LIN28B: variants seen among roughly 807,000 people sequenced by gnomAD.
The protein encoded by LIN28B is protein lin-28 homolog B.
LIN28B carries 5 observed loss-of-function variants against 21.9 expected under a neutral mutation model. The observed-to-expected ratio is 0.23, with a 90% confidence interval of 0.12 to 0.48. The LOEUF (loss-of-function observed/expected upper bound fraction) is 0.48, where lower values mean the gene tolerates loss of function less well. Ranked by LOEUF, LIN28B falls within the 20% of genes least tolerant of loss-of-function variation. The pLI is 0.98. For missense variants in LIN28B, 245 were observed against 310.5 expected (o/e 0.79, Z 1.58); for synonymous variants, 109 against 111.3 (o/e 0.98, Z 0.13).
Position 105,020,747 on chromosome 6 carries a change from CTTTTTTTTTT to C in LIN28B, c.199-5537_199-5528del, listed in dbSNP as rs1176851045. 3.5e-5 allele frequency among the ~76,000 whole-genome samples: 3 copies of C among 85,420 alleles called. No individual in the cohort carries two copies. In the East Asian group the frequency reaches 9.8e-4, roughly 28 times the overall value. 56.0% of individuals were successfully genotyped at this position (85,420 alleles called of 152,430 possible). A position where few individuals can be genotyped will look rare whatever the true frequency, so the allele number is the denominator to read the frequency against. ...AGTCTCTATTGTCTATCATTCCACT[CTTTTTTTTTT>C]TTTTTTTTTTTTTGAGACGAAGTCT... On this transcript the variant is annotated intron_variant, in intron 2 of 3. Coordinates refer to ENST00000345080, the MANE Select transcript of LIN28B (RefSeq NM_001004317.4).
chr6:104,989,576 G>GTTTTTTTTTTTTTTTTT (rs34394074), intron 2 of LIN28B, among the ~76,000 whole-genome samples: 31 of 60,598 alleles, frequency 5.1e-4, no homozygotes, highest in East Asian at 1.6e-3. Flanking sequence ...TTTTACTTGG[G>GTTTTTTTTTTTTTTTTT]TTTTTTTTTT....
chr6:105,043,546 C>T (rs1323511532), intron 3 of LIN28B, among the ~76,000 whole-genome samples: 2 of 150,364 alleles, frequency 1.3e-5, no homozygotes, highest in African/African-American at 4.9e-5. Context: ...AATTTTTAAC[C>T]AGTTACTTAA....
Position 105,006,589 on chromosome 6 carries a change from G to C in LIN28B, c.199-19709G>C, listed in dbSNP as rs566724008. 5.3e-5 allele frequency among the ~76,000 whole-genome samples: 8 copies of C among 152,264 alleles called. No homozygotes were observed. In the East Asian group the frequency reaches 1.5e-3, roughly 29 times the overall value. The stretch of plus-strand genomic sequence containing the variant: ...GGCCTCCCAAAGTGTTGGGATTGCA[G>C]GTGTGAGCCACCGCGCCCAGCCTAG... On this transcript the variant is annotated intron_variant, in intron 2 of 3. Transcript: ENST00000345080.
chr6:104,947,576 ATGTT>A lies in LIN28B; in HGVS notation c.19-2881_19-2878del, dbSNP rs1003134202. 6.8e-4 allele frequency among the ~76,000 whole-genome samples: 104 copies of A among 152,218 alleles called. 1 individual carries two copies. Among genetic ancestry groups the A allele is most frequent in the African/African-American group, 2.3e-3 (94 of 41,542 alleles). Reference sequence around the variant, plus strand: ...TTAGTAGAAAGTGTGAAATCTAAGAATGTTTGTGATGGATACTCTTTATAAGTTA... The same window carrying A: ...TTAGTAGAAAGTGTGAAATCTAAGAATGTGATGGATACTCTTTATAAGTTA... On this transcript the variant is annotated intron_variant, in intron 2 of 5. Coordinates refer to the LIN28B transcript ENST00000635857.
chr6:104,991,056 G>A (rs945591008), intron 2 of LIN28B, among the ~76,000 whole-genome samples: 5 of 152,232 alleles, frequency 3.3e-5, no homozygotes, highest in Admixed American at 1.3e-4. Context: ...ATCATGGCCC[G>A]TTCTCAATGA....
chr6:105,063,645 G>C lies in LIN28B; in HGVS notation c.384-14769G>C, dbSNP rs78817289. ...AGCAAGACTCCATCTCGGGGGGGGG[G>C]GGGAAAAAAAGGTAAAGTAAAGGAT... is the stretch of plus-strand genomic sequence containing the variant. On this transcript the variant is annotated intron_variant, in intron 3 of 3. Transcript: ENST00000345080. Among the ~76,000 whole-genome samples, 6 of 135,168 alleles carry C rather than the reference G, an allele frequency of 4.4e-5. No individual in the cohort carries two copies. The South Asian group carries it at 1.3e-3, about 30-fold the overall frequency. 88.7% of individuals were successfully genotyped at this position (135,168 alleles called of 152,430 possible).
intron 2 of LIN28B, among the ~76,000 whole-genome samples, chr6:104,987,368 T>C (rs1257229193): frequency 1.3e-5 from 2 of 152,164 alleles, no homozygotes; most frequent in Non-Finnish European, 2.9e-5. Flanking sequence ...TTATTTCTGG[T>C]GGGGATGGGG....
rs935455278 is a variant in LIN28B at position 104,959,930 on chromosome 6, A to T, written c.198+1644A>T. On this transcript the variant is annotated intron_variant, in intron 2 of 3. Coordinates refer to ENST00000345080, the MANE Select transcript of LIN28B (RefSeq NM_001004317.4). Reference sequence around the variant, plus strand: ...TCTATGTTTACCTTCTAAAATATTCATCAAATGTTAAGATATTTTATTAAC... The same window carrying T: ...TCTATGTTTACCTTCTAAAATATTCTTCAAATGTTAAGATATTTTATTAAC... Among the ~76,000 whole-genome samples, 5 of 152,158 alleles carry T rather than the reference A, an allele frequency of 3.3e-5. No homozygotes were observed. The South Asian group carries it at 1.0e-3, about 31-fold the overall frequency.
At chr6:104,948,352 A>C (rs1269826276) in intron 2 of LIN28B, among the ~76,000 whole-genome samples, 1 of 152,162 alleles carries the variant, frequency 6.6e-6, no homozygotes, top group African/African-American at 2.4e-5. Context: ...CTGTAATCCC[A>C]GCTACTCGGG....
At chr6:104,963,098 A>T (rs1215395774) in intron 2 of LIN28B, among the ~76,000 whole-genome samples, 1 of 152,032 alleles carries the variant, frequency 6.6e-6, no homozygotes, top group Non-Finnish European at 1.5e-5. Flanking sequence ...CCCAGGTTGG[A>T]GTGCAGTGGC....
chr6:104,993,833 C>CAAAAAAAA (rs568787406), intron 2 of LIN28B, among the ~76,000 whole-genome samples: 1 of 89,174 alleles, frequency 1.1e-5, no homozygotes, highest in African/African-American at 3.9e-5. Context: ...GAGATTGTCT[C>CAAAAAAAA]AAAAAAAAAA....
chr6:104,947,037 A>G (rs1778164230), intron 2 of LIN28B, among the ~76,000 whole-genome samples: 1 of 152,174 alleles, frequency 6.6e-6, no homozygotes. Flanking sequence ...CATGATGTGA[A>G]TTGAAATAAA....
chr6:105,030,816 G>A (rs971723756), intron 3 of LIN28B, among the ~76,000 whole-genome samples: 42 of 151,758 alleles, frequency 2.8e-4, no homozygotes, highest in African/African-American at 9.7e-4. Context: ...GGCTGGTCTC[G>A]AATCCTGGAC....
chr6:105,003,077 C>A (rs1770748858), intron 2 of LIN28B, among the ~76,000 whole-genome samples: 1 of 152,078 alleles, frequency 6.6e-6, no homozygotes, highest in Admixed American at 6.6e-5. Context: ...TTTTTAAAGT[C>A]CCTTTTGTTA....
At position 105,080,839 on chromosome 6, in the gene LIN28B, T is replaced by C. The variant is rs992688655; in HGVS notation, c.*2056T>C. 6.6e-6 allele frequency: 1 copy of C among 152,632 alleles called. No individual in the cohort carries two copies. The highest frequency in any genetic ancestry group is 2.4e-5 in the African/African-American group (1 of 41,454). 9.5% of individuals were successfully genotyped at this position (152,632 alleles called of 1,614,324 possible). On this transcript the variant is annotated 3_prime_UTR_variant, in exon 4 of 4. Transcript: ENST00000345080. ...TGCAAAACATGATAGATAAGTCACT[T>C]TGAAAATTCAAACCAAAGTTCCTTC...
intron 3 of LIN28B, among the ~76,000 whole-genome samples, chr6:105,062,136 T>C (rs1175849485): frequency 6.6e-6 from 1 of 152,044 alleles, no homozygotes; most frequent in East Asian, 1.9e-4. Context: ...GAATATTTTC[T>C]TAAATGGTAC....
At chr6:105,003,753 G>T (rs1770761944) in intron 2 of LIN28B, among the ~76,000 whole-genome samples, 1 of 151,982 alleles carries the variant, frequency 6.6e-6, no homozygotes, top group East Asian at 1.9e-4. Flanking sequence ...GACCTCAAGT[G>T]ATCCACTTTG....
At chr6:104,958,906 T>C (rs764131665) in intron 2 of LIN28B, among the ~76,000 whole-genome samples, 3 of 152,190 alleles carry the variant, frequency 2.0e-5, no homozygotes, top group Non-Finnish European at 4.4e-5. Context: ...GTGCTCCGTG[T>C]AGTCATTGGT....
At chr6:105,001,549 T>C (rs1290111144) in intron 2 of LIN28B, among the ~76,000 whole-genome samples, 1 of 152,166 alleles carries the variant, frequency 6.6e-6, no homozygotes, top group South Asian at 2.1e-4. Context: ...TCCAAAATAC[T>C]GTTTAGGTTT....
Sources: gnomAD v4.1 joint callset for allele counts (sites outside exome capture counted in the v4.1 genomes callset) on GRCh38, gnomAD v4.1.1 for gene constraint, MANE v1.5 for transcripts, NCBI Gene and HGNC (gene_info 2026-07-23, HGNC 2026-07-21) for gene names.